Variants in SH3BP5 observed in about 807,000 individuals in gnomAD.
SH3BP5 encodes the protein SH3 domain-binding protein 5.
Under a neutral mutation model 43.3 loss-of-function variants are expected in SH3BP5, and 22 were observed. That is an observed-to-expected ratio of 0.51 (90% confidence interval 0.36 to 0.73). The LOEUF is 0.73. Ranked by LOEUF, SH3BP5 falls within the 30% of genes least tolerant of loss-of-function variation. SH3BP5 has a pLI of 0.00. For synonymous variants in SH3BP5, 255 were observed against 225.8 expected, an observed-to-expected ratio of 1.13 and a Z score of -1.16; for missense variants, 529 against 586.9, an observed-to-expected ratio of 0.90 and a Z score of 1.02.
chr3:15,333,115 A>G (rs955012875), upstream of SH3BP5: 7 of 985,378 alleles, frequency 7.1e-6, no homozygotes, highest in South Asian at 4.7e-5. Context: ...TGGAGAATGC[A>G]TTGAGCTGGG....
At chr3:15,296,452 A>C (rs766526114) in intron 3 of SH3BP5, among the ~76,000 whole-genome samples, 1 of 152,084 alleles carries the variant, frequency 6.6e-6, no homozygotes, top group Admixed American at 6.5e-5. Context: ...CCATGAGGGG[A>C]ATGTCAGCTC....
chr3:15,295,014 C>T (rs1575320583), intron 3 of SH3BP5, among the ~76,000 whole-genome samples: 1 of 152,098 alleles, frequency 6.6e-6, no homozygotes, highest in Non-Finnish European at 1.5e-5. Flanking sequence ...TCTTGTGCTT[C>T]GGAGTGTGCA....
intron 4 of SH3BP5, among the ~76,000 whole-genome samples, chr3:15,263,827 C>T (rs909014283): frequency 1.3e-5 from 2 of 152,216 alleles, no homozygotes; most frequent in Non-Finnish European, 2.9e-5. Flanking sequence ...TCCCTGTCTT[C>T]TGCCTACCAC....
intron 2 of SH3BP5, among the ~76,000 whole-genome samples, chr3:15,328,386 A>G (rs568052889): frequency 1.3e-5 from 2 of 151,906 alleles, no homozygotes; most frequent in Non-Finnish European, 2.9e-5. Context: ...GCCGGCACAT[A>G]GTAGGCGAGC....
intron 3 of SH3BP5, among the ~76,000 whole-genome samples, chr3:15,272,046 G>A (rs1488195389): frequency 6.6e-6 from 1 of 152,196 alleles, no homozygotes; most frequent in African/African-American, 2.4e-5. Context: ...TGGGACTCGG[G>A]AAGAGGGGAA....
At chr3:15,265,559 C>CACACACACACACACACACAA (rs1285577992) in intron 4 of SH3BP5, among the ~76,000 whole-genome samples, 2 of 142,820 alleles carry the variant, frequency 1.4e-5, no homozygotes, top group South Asian at 4.6e-4. Context: ...CACACACACA[C>CACACACACACACACACACAA]AACCCTCCAG....
chr3:15,293,481 TGGAACAAGAGCTTCTC>T (rs757216650), intron 3 of SH3BP5, among the ~76,000 whole-genome samples: 8 of 152,334 alleles, frequency 5.3e-5, no homozygotes, highest in East Asian at 3.9e-4. Flanking sequence ...TCCAGATTCT[TGGAACAAGAGCTTCTC>T]GGAACAAGAG....
chr3:15,325,050 C>T (rs1479283914), intron 2 of SH3BP5, among the ~76,000 whole-genome samples: 1 of 152,052 alleles, frequency 6.6e-6, no homozygotes, highest in Non-Finnish European at 1.5e-5. Flanking sequence ...AAGGACGGAC[C>T]CCTTCACAGC....
At chr3:15,281,469 A>G (rs1221205958) in intron 3 of SH3BP5, among the ~76,000 whole-genome samples, 2 of 152,132 alleles carry the variant, frequency 1.3e-5, no homozygotes, top group East Asian at 3.9e-4. Flanking sequence ...TTCCCTTGGC[A>G]GAGCTCTGAT....
At chr3:15,327,044 T>A (rs1487418793) in intron 2 of SH3BP5, among the ~76,000 whole-genome samples, 1 of 152,164 alleles carries the variant, frequency 6.6e-6, no homozygotes, top group Non-Finnish European at 1.5e-5. Context: ...TAATTCAGTG[T>A]TCACAACTTT....
chr3:15,307,622 C>G (rs1697945528), intron 2 of SH3BP5, among the ~76,000 whole-genome samples: 1 of 152,144 alleles, frequency 6.6e-6, no homozygotes, highest in African/African-American at 2.4e-5. Context: ...AATTTTTTTC[C>G]TCCTGGTATA....
chr3:15,284,792 G>A (rs1303396599), intron 3 of SH3BP5, among the ~76,000 whole-genome samples: 1 of 152,208 alleles, frequency 6.6e-6, no homozygotes, highest in Non-Finnish European at 1.5e-5. Flanking sequence ...CAGAAGCCCA[G>A]AGCTTTCTAC....
At chr3:15,319,180 C>A (rs1471401846) in intron 2 of SH3BP5, among the ~76,000 whole-genome samples, 1 of 152,130 alleles carries the variant, frequency 6.6e-6, no homozygotes, top group Non-Finnish European at 1.5e-5. Context: ...TTTTCTCAGA[C>A]AAAATTTTTA....
chr3:15,275,739 T>G (rs1339224024), intron 3 of SH3BP5: 2 of 152,174 alleles, frequency 1.3e-5, no homozygotes, highest in African/African-American at 4.8e-5. Flanking sequence ...AGGCAGCTTA[T>G]GGGCTGGGCG....
chr3:15,291,778 A>T (rs1440782185), intron 3 of SH3BP5, among the ~76,000 whole-genome samples: 1 of 152,182 alleles, frequency 6.6e-6, no homozygotes, highest in Non-Finnish European at 1.5e-5. Context: ...AATGTTTGTA[A>T]GTCAGAACCA....
At chr3:15,291,486 G>A (rs901545944) in intron 3 of SH3BP5, among the ~76,000 whole-genome samples, 2 of 152,060 alleles carry the variant, frequency 1.3e-5, no homozygotes, top group African/African-American at 4.8e-5. Context: ...ATATGGCATA[G>A]AACAAATTTA....
intron 5 of SH3BP5, 102 bp from the exon 6 acceptor site, chr3:15,259,905 G>T: frequency 9.6e-7 from 1 of 1,042,422 alleles, no homozygotes; most frequent in Non-Finnish European, 1.5e-6. Flanking sequence ...TGGCCAGGTC[G>T]TCCTTCCAAT....
intron 3 of SH3BP5, among the ~76,000 whole-genome samples, chr3:15,282,036 C>G (rs886378532): frequency 6.6e-6 from 1 of 152,096 alleles, no homozygotes; most frequent in Non-Finnish European, 1.5e-5. Flanking sequence ...CATTTTGATG[C>G]CTTGCACAAA....
At chr3:15,264,887 A>AT (rs374844544) in intron 4 of SH3BP5, among the ~76,000 whole-genome samples, 8 of 152,250 alleles carry the variant, frequency 5.3e-5, no homozygotes, top group African/African-American at 1.7e-4. Context: ...TTACAAAAAG[A>AT]TCCAATTAAA....
Sources: gnomAD v4.1 joint callset for allele counts (sites outside exome capture counted in the v4.1 genomes callset) on GRCh38, gnomAD v4.1.1 for gene constraint, MANE v1.5 for transcripts, NCBI Gene and HGNC (gene_info 2026-07-23, HGNC 2026-07-21) for gene names.